The following PRELID2 variants were observed in gnomAD, a reference collection of about 807,000 sequenced individuals.
PRELID2 encodes the protein PRELI domain-containing protein 2.
Under a neutral mutation model 28.4 loss-of-function variants are expected in PRELID2, and 25 were observed. That is an observed-to-expected ratio of 0.88 (90% CI 0.64 to 1.23). The LOEUF (loss-of-function observed/expected upper bound fraction) is 1.23. Ranked by LOEUF, PRELID2 falls within the 50% of genes most tolerant of loss-of-function variation. PRELID2 has a pLI of 0.00. For missense variants in PRELID2, 201 were observed against 214.4 expected (o/e 0.94, Z 0.39); for synonymous variants, 76 against 71.6 (o/e 1.06, Z -0.31).
intron 4 of PRELID2, among the ~76,000 whole-genome samples, chr5:145,817,220 A>AATATATATATATATATATATATATAT (rs1188735131): frequency 2.1e-4 from 14 of 66,300 alleles, no homozygotes; most frequent in South Asian, 5.7e-4. Context: ...AATAAAAAAA[A>AATATATATATATATATATATATATAT]ATATATATAT....
chr5:145,457,949 T>C, the PRELID2 span, among the ~76,000 whole-genome samples: 1 of 152,184 alleles, frequency 6.6e-6, no homozygotes, highest in African/African-American at 2.4e-5. Flanking sequence ...GAATTGTGTG[T>C]GTGTATAATA....
intron 2 of PRELID2, among the ~76,000 whole-genome samples, chr5:145,822,302 T>G (rs1754884503): frequency 6.6e-6 from 1 of 152,180 alleles, no homozygotes; most frequent in Admixed American, 6.5e-5. Flanking sequence ...ATTCCTATGC[T>G]CTAGACCAGG....
downstream of PRELID2, among the ~76,000 whole-genome samples, chr5:145,753,574 C>T (rs558889985): frequency 1.3e-5 from 2 of 152,242 alleles, no homozygotes; most frequent in East Asian, 3.9e-4. Flanking sequence ...CTCCAGCAAG[C>T]TTCCTAAAGG....
intron 1 of PRELID2, among the ~76,000 whole-genome samples, chr5:145,524,733 C>G (rs946992441): frequency 1.1e-4 from 16 of 152,136 alleles, no homozygotes; most frequent in Non-Finnish European, 5.9e-5. Flanking sequence ...TCCAAGTTAC[C>G]TGGAATAACT....
At chr5:145,523,406 C>G (rs888845885) in intron 1 of PRELID2, among the ~76,000 whole-genome samples, 1 of 152,138 alleles carries the variant, frequency 6.6e-6, no homozygotes, top group South Asian at 2.1e-4. Flanking sequence ...TTGATCTTCT[C>G]ATTTTAAAAA....
At chr5:145,783,847 T>C (rs1751804662) in intron 5 of PRELID2, among the ~76,000 whole-genome samples, 1 of 152,294 alleles carries the variant, frequency 6.6e-6, no homozygotes, top group South Asian at 2.1e-4. Context: ...TTTTCCTCTG[T>C]CTTGGAATTA....
chr5:145,742,088 T>A (rs13176873), intron 1 of PRELID2, among the ~76,000 whole-genome samples: 1 of 5,024 alleles, frequency 2.0e-4, no homozygotes, highest in African/African-American at 3.3e-4. Context: ...AATTATATAT[T>A]TATAATTACA....
chr5:145,289,361 C>T, the PRELID2 span, among the ~76,000 whole-genome samples: 2 of 152,098 alleles, frequency 1.3e-5, no homozygotes, highest in Non-Finnish European at 2.9e-5. Context: ...AGTAGGTAGC[C>T]TTCTAGACTG....
chr5:145,737,027 G>A (rs1413152534), intron 1 of PRELID2, among the ~76,000 whole-genome samples: 1 of 151,998 alleles, frequency 6.6e-6, no homozygotes, highest in Non-Finnish European at 1.5e-5. Context: ...AAAGAGAAGA[G>A]AATTGAAAGA....
intron 5 of PRELID2, among the ~76,000 whole-genome samples, chr5:145,789,071 A>C (rs1363575784): frequency 6.6e-6 from 1 of 152,176 alleles, no homozygotes; most frequent in Non-Finnish European, 1.5e-5. Flanking sequence ...TATCCATAAT[A>C]CCCAAAGCAA....
the PRELID2 span, among the ~76,000 whole-genome samples, chr5:145,257,296 A>G: frequency 1.3e-5 from 2 of 150,288 alleles, no homozygotes; most frequent in Admixed American, 1.3e-4. Context: ...GTGAAGTAGA[A>G]TATTTTATGA....
At chr5:145,401,682 G>A in the PRELID2 span, among the ~76,000 whole-genome samples, 19 of 152,098 alleles carry the variant, frequency 1.2e-4, no homozygotes, top group African/African-American at 4.3e-4. Context: ...GAGACACTTT[G>A]GTCAAATGAT....
chr5:145,803,702 T>C (rs1753301800), intron 4 of PRELID2, among the ~76,000 whole-genome samples: 1 of 145,540 alleles, frequency 6.9e-6, no homozygotes, highest in African/African-American at 2.6e-5. Context: ...TATGCTGTTC[T>C]ACTACAACCA....
intron 1 of PRELID2, among the ~76,000 whole-genome samples, chr5:145,513,087 A>G (rs1023780274): frequency 1.3e-5 from 2 of 152,090 alleles, no homozygotes; most frequent in African/African-American, 4.8e-5. Flanking sequence ...TCTCCTCCAA[A>G]GGATCACGAC....
At chr5:145,531,120 A>G (rs917838492) in intron 1 of PRELID2, among the ~76,000 whole-genome samples, 2 of 152,152 alleles carry the variant, frequency 1.3e-5, no homozygotes, top group Admixed American at 6.5e-5. Context: ...TCTTTGATCT[A>G]TCTCACTATA....
intron 4 of PRELID2, among the ~76,000 whole-genome samples, chr5:145,807,319 T>C (rs1439936605): frequency 1.3e-5 from 2 of 152,230 alleles, no homozygotes; most frequent in African/African-American, 2.4e-5. Context: ...TGTTTCTAGC[T>C]CAATTATCAT....
At chr5:145,332,682 G>C in the PRELID2 span, among the ~76,000 whole-genome samples, 1 of 151,298 alleles carries the variant, frequency 6.6e-6, no homozygotes, top group African/African-American at 2.4e-5. Flanking sequence ...CTTTTTTAAA[G>C]GTTCTTAGCT....
chr5:145,370,868 C>T, the PRELID2 span, among the ~76,000 whole-genome samples: 2 of 151,960 alleles, frequency 1.3e-5, no homozygotes, highest in South Asian at 2.1e-4. Flanking sequence ...ATTTTATTCT[C>T]TTTGTAGCAA....
intron 1 of PRELID2, among the ~76,000 whole-genome samples, chr5:145,829,690 C>T (rs1755455268): frequency 6.6e-6 from 1 of 152,188 alleles, no homozygotes; most frequent in South Asian, 2.1e-4. Flanking sequence ...ACATTCTGCA[C>T]ATCTGCACCA....
Sources: gnomAD v4.1 joint callset for allele counts (sites outside exome capture counted in the v4.1 genomes callset) on GRCh38, gnomAD v4.1.1 for gene constraint, MANE v1.5 for transcripts, NCBI Gene and HGNC (gene_info 2026-07-23, HGNC 2026-07-21) for gene names.